Variants in PDE1C observed in about 807,000 individuals in gnomAD.
PDE1C encodes dual specificity calcium/calmodulin-dependent 3',5'-cyclic nucleotide phosphodiesterase 1C.
PDE1C carries 62 observed loss-of-function variants against 93.1 expected under a neutral mutation model. The ratio of observed to expected loss-of-function variants is 0.67; its 90% CI spans 0.54 to 0.82. PDE1C has a LOEUF of 0.82. PDE1C is among the 40% of genes least tolerant of loss of function. The pLI is 0.00. For synonymous variants in PDE1C, 325 were observed against 310.1 expected (o/e 1.05, Z -0.50); for missense variants, 742 against 884.6 (o/e 0.84, Z 2.04).
At chr7:31,977,865 C>T (rs1310463513) in intron 2 of PDE1C, among the ~76,000 whole-genome samples, 1 of 152,076 alleles carries the variant, frequency 6.6e-6, no homozygotes, top group African/African-American at 2.4e-5. Flanking sequence ...TGAAAAAAGC[C>T]ACCACTGACT....
chr7:31,619,921 G>A, the PDE1C span, among the ~76,000 whole-genome samples: 4 of 152,188 alleles, frequency 2.6e-5, no homozygotes, highest in African/African-American at 4.8e-5. Flanking sequence ...GCGCTTTTCC[G>A]ACGGGCTTAA....
intron 2 of PDE1C, among the ~76,000 whole-genome samples, chr7:32,188,559 A>G (rs546189843): frequency 2.6e-5 from 4 of 152,116 alleles, no homozygotes; most frequent in African/African-American, 9.6e-5. Context: ...ATTTTTATTT[A>G]TCTCTAACTC....
chr7:32,250,010 C>G (rs1418310794), intron 1 of PDE1C, among the ~76,000 whole-genome samples: 1 of 152,156 alleles, frequency 6.6e-6, no homozygotes, highest in Non-Finnish European at 1.5e-5. Flanking sequence ...ATACAGTTAA[C>G]TTTTCCTAAG....
chr7:31,754,236 C>G (rs1794304464), intron 17 of PDE1C, among the ~76,000 whole-genome samples: 1 of 152,126 alleles, frequency 6.6e-6, no homozygotes, highest in Non-Finnish European at 1.5e-5. Flanking sequence ...TTGACAACAC[C>G]AATTGCTGGC....
At chr7:32,357,110 A>T (rs1585123431) in intron 1 of PDE1C, among the ~76,000 whole-genome samples, 1 of 152,308 alleles carries the variant, frequency 6.6e-6, no homozygotes, top group African/African-American at 2.4e-5. Context: ...AGGCGGGTGG[A>T]TCACGAGGTC....
the PDE1C span, among the ~76,000 whole-genome samples, chr7:31,650,170 T>G: frequency 6.6e-6 from 1 of 152,338 alleles, no homozygotes; most frequent in South Asian, 2.1e-4. Flanking sequence ...ACTTGTGAGT[T>G]GTAAGAAATA....
chr7:32,278,450 C>T (rs1811428446), intron 1 of PDE1C, among the ~76,000 whole-genome samples: 1 of 152,192 alleles, frequency 6.6e-6, no homozygotes, highest in Non-Finnish European at 1.5e-5. Flanking sequence ...TAAAGACAAA[C>T]TGCATAAGCA....
intron 1 of PDE1C, among the ~76,000 whole-genome samples, chr7:32,296,537 G>A (rs1019202552): frequency 6.6e-6 from 1 of 152,228 alleles, no homozygotes; most frequent in African/African-American, 2.4e-5. Flanking sequence ...TCTGAAATAA[G>A]TTGGCAGCTA....
At chr7:32,146,491 C>T (rs1014428727) in intron 3 of PDE1C, among the ~76,000 whole-genome samples, 6 of 152,160 alleles carry the variant, frequency 3.9e-5, no homozygotes, top group African/African-American at 1.4e-4. Context: ...ATCTTCAGAT[C>T]TCTATCTGGC....
intron 1 of PDE1C, among the ~76,000 whole-genome samples, chr7:32,217,076 G>C (rs1306847369): frequency 6.6e-6 from 1 of 152,204 alleles, no homozygotes; most frequent in African/African-American, 2.4e-5. Context: ...CCAGTAGAGG[G>C]AGAAGCTACT....
At chr7:32,071,475 T>TTCCC (rs1156907115), upstream of PDE1C, 1 of 894,144 alleles carries the variant, frequency 1.1e-6, no homozygotes, top group Non-Finnish European at 1.3e-6. Flanking sequence ...TCCTCCCTCA[T>TTCCC]TCCCTCCCTC....
intron 1 of PDE1C, among the ~76,000 whole-genome samples, chr7:32,312,601 A>G (rs977661255): frequency 6.6e-5 from 10 of 152,170 alleles, no homozygotes; most frequent in Non-Finnish European, 4.4e-5. Flanking sequence ...AAAATGATGC[A>G]TATCTACAAC....
At chr7:31,828,890 A>G (rs1042344152) in intron 11 of PDE1C, among the ~76,000 whole-genome samples, 2 of 152,170 alleles carry the variant, frequency 1.3e-5, no homozygotes, top group African/African-American at 4.8e-5. Context: ...ACCAGTCCAT[A>G]ATGAAAAGTG....
At chr7:31,633,760 G>A in the PDE1C span, among the ~76,000 whole-genome samples, 1 of 152,204 alleles carries the variant, frequency 6.6e-6, no homozygotes, top group Admixed American at 6.5e-5. Flanking sequence ...AGAAGAGATA[G>A]GAACTTGACC....
At chr7:32,172,847 G>T (rs58563760) in intron 2 of PDE1C, among the ~76,000 whole-genome samples, 42,927 of 138,910 alleles carry the variant, frequency 0.31, 6,708 homozygotes, top group East Asian at 0.43. Context: ...AAAAAAAAAG[G>T]CAAGAAGAAA....
chr7:32,223,068 T>C lies in PDE1C; in HGVS notation c.86-13529A>G, dbSNP rs959468508. 5.9e-5 allele frequency among the ~76,000 whole-genome samples: 9 copies of C among 152,240 alleles called. 1 individual carries two copies. Among genetic ancestry groups the C allele is most frequent in the Admixed American group, 5.2e-4 (8 of 15,296 alleles). Reference sequence around the variant, plus strand: ...GCATGCAAGGCCCCTCACTTAGAGGTTCCCTCAGACTGCGGCACCTCCCTG... The same window carrying C: ...GCATGCAAGGCCCCTCACTTAGAGGCTCCCTCAGACTGCGGCACCTCCCTG... On this transcript the variant is annotated intron_variant, in intron 1 of 18. Coordinates refer to the PDE1C transcript ENST00000396193.
intron 1 of PDE1C, among the ~76,000 whole-genome samples, chr7:32,377,124 G>A (rs1271401550): frequency 2.0e-5 from 3 of 152,024 alleles, no homozygotes; most frequent in African/African-American, 7.2e-5. Context: ...GTAAGGCTAG[G>A]GAATGAAATG....
chr7:32,130,598 C>A (rs1038819621), intron 3 of PDE1C, among the ~76,000 whole-genome samples: 1 of 152,100 alleles, frequency 6.6e-6, no homozygotes, highest in Non-Finnish European at 1.5e-5. Flanking sequence ...ATAATCTCCA[C>A]AGTCCTTCAC....
intron 2 of PDE1C, among the ~76,000 whole-genome samples, chr7:32,014,282 A>G (rs1205306718): frequency 2.4e-5 from 3 of 124,060 alleles, no homozygotes; most frequent in Non-Finnish European, 5.0e-5. Flanking sequence ...GTCTGAAAAC[A>G]TTTAAAAGCT....
Sources: gnomAD v4.1 joint callset for allele counts (sites outside exome capture counted in the v4.1 genomes callset) on GRCh38, gnomAD v4.1.1 for gene constraint, MANE v1.5 for transcripts, NCBI Gene and HGNC (gene_info 2026-07-23, HGNC 2026-07-21) for gene names.